Variants in ASPG observed in about 807,000 individuals in gnomAD.
ASPG encodes the protein asparaginase.
In ASPG, 53 loss-of-function variants were observed where a neutral mutation model predicts 63.2. That is an observed-to-expected ratio of 0.84 (90% CI 0.67 to 1.05). ASPG has a LOEUF of 1.05. Among genes scored for constraint, ASPG ranks in the 50% least tolerant of loss-of-function variants. The pLI is 0.00. For missense variants in ASPG, 741 were observed against 794.4 expected, an observed-to-expected ratio of 0.93 and a Z score of 0.81; for synonymous variants, 370 against 355.0, an observed-to-expected ratio of 1.04 and a Z score of -0.48.
chr14:104,086,661 T>C (rs1183089468), intron 1 of ASPG, among the ~76,000 whole-genome samples: 2 of 152,042 alleles, frequency 1.3e-5, no homozygotes, highest in Non-Finnish European at 2.9e-5. Flanking sequence ...GGCCCCCAGA[T>C]GGGCTCTGCT....
In ASPG at chr14:104,105,221, G is replaced by C. The variant is rs561354941; in HGVS notation, c.1051-107G>C. The C allele has an allele frequency of 1.5e-4, 238 of 1,570,750 alleles. No homozygotes were observed. In the African/African-American group the frequency reaches 3.0e-3, roughly 20 times the overall value. On this transcript the variant is annotated intron_variant, in intron 9 of 15. Transcript: ENST00000551177. ...ATGAAGCACACACGGCCGAGGCTCAGGCCAAGGGCAACCCCTGACTGTGCC... is the reference window on the plus strand; with the variant it reads ...ATGAAGCACACACGGCCGAGGCTCACGCCAAGGGCAACCCCTGACTGTGCC...
intron 6 of ASPG, among the ~76,000 whole-genome samples, chr14:104,099,876 G>A (rs1403650593): frequency 1.3e-5 from 2 of 152,336 alleles, no homozygotes; most frequent in African/African-American, 4.8e-5. Context: ...TCCTTTGGGG[G>A]CATTTGACAC....
chr14:104,098,021 C>CTGCGTTAGAGATGCGTATGGAGGTTT (rs1566830316), intron 5 of ASPG, among the ~76,000 whole-genome samples: 49 of 78,222 alleles, frequency 6.3e-4, no homozygotes, highest in Non-Finnish European at 1.0e-3. Context: ...TATGGAGGTT[C>CTGCGTTAGAGATGCGTATGGAGGTTT]TGCGTTAGAG....
At chr14:104,104,259 G>A (rs2037014441) in intron 7 of ASPG, 45 bp from the exon 8 acceptor site, 2 of 1,576,920 alleles carry the variant, frequency 1.3e-6, no homozygotes, top group African/African-American at 1.3e-5. Context: ...GTGGTGCTGA[G>A]GGCAGAGACC....
At chr14:104,096,595 C>T (rs2036605689) in intron 4 of ASPG, among the ~76,000 whole-genome samples, 1 of 152,220 alleles carries the variant, frequency 6.6e-6, no homozygotes, top group Non-Finnish European at 1.5e-5. Flanking sequence ...TTCCCGAGCC[C>T]TGGGGGAGCA....
rs1192098465 is a variant in ASPG at position 104,095,516 on chromosome 14, G to A, written c.304-15G>A. The A allele has an allele frequency of 6.2e-7, 1 of 1,612,388 alleles. No individual in the cohort carries two copies. The highest frequency in any genetic ancestry group is 8.5e-7 in the Non-Finnish European group (1 of 1,179,738). ...GCGAGGGGCTGGCCTGCCTGAGCAT[G>A]CGCCCCTCCTGCAGAGGCACTACGA... On this transcript the variant is annotated splice_polypyrimidine_tract_variant and intron_variant, in intron 3 of 15. Transcript: ENST00000551177.
At chr14:104,086,020 T>C (rs2036213060) in intron 1 of ASPG, among the ~76,000 whole-genome samples, 168 bp downstream of exon 1, 2 of 152,104 alleles carry the variant, frequency 1.3e-5, no homozygotes, top group Admixed American at 1.3e-4. Flanking sequence ...TCCCCACGCA[T>C]GGAGCCCCGA....
intron 12 of ASPG, among the ~76,000 whole-genome samples, chr14:104,107,579 G>A (rs999852093): frequency 1.3e-5 from 2 of 152,194 alleles, no homozygotes; most frequent in African/African-American, 4.8e-5. Context: ...TGCACCTGTG[G>A]GTATGGGGGG....
At chr14:104,097,712 G>GT in intron 5 of ASPG, 75 bp downstream of exon 5, 1 of 1,416,776 alleles carries the variant, frequency 7.1e-7, no homozygotes, top group South Asian at 1.2e-5. Context: ...AGGAAACAAA[G>GT]TCCCCCCAGC....
At chr14:104,111,715 T>C in intron 14 of ASPG, 114 bp downstream of exon 14, 4 of 917,676 alleles carry the variant, frequency 4.4e-6, no homozygotes, top group Non-Finnish European at 6.6e-6. Context: ...CTCCCCCAAA[T>C]GCCTGGCCCT....
rs770797619 is a variant in ASPG, at chr14:104,109,531, C to T, written c.1520+216C>T. 7.0e-4 allele frequency among the ~76,000 whole-genome samples: 106 copies of T among 151,918 alleles called. No homozygotes were observed. The highest frequency in any genetic ancestry group is 2.1e-4 in the Non-Finnish European group (14 of 67,992). On this transcript the variant is annotated intron_variant, in intron 13 of 15. Transcript: ENST00000551177. This position sits in a 1 kb window ranked among gnomAD's most constrained non-coding sequence, Gnocchi z 4.8. Reference sequence around the variant, plus strand: ...GGGGAAGGAGTTGTTCTCAGCTGAGCGAACAGTCCAGCAAGGGTGTCTCTG... The same window carrying T: ...GGGGAAGGAGTTGTTCTCAGCTGAGTGAACAGTCCAGCAAGGGTGTCTCTG...
intron 14 of ASPG, 126 bp from the exon 15 acceptor site, chr14:104,111,794 G>A: frequency 9.6e-7 from 1 of 1,046,750 alleles, no homozygotes; most frequent in Non-Finnish European, 1.4e-6. Flanking sequence ...GACGAGAGTG[G>A]AGGAGCTGCT....
chr14:104,107,406 C>T lies in ASPG; in HGVS notation c.1433+61C>T, dbSNP rs1036327614. Reference sequence around the variant, plus strand: ...CAGGTGGGCGCAGAGAGGCTGTGGGCTCCTGCACTCAAACAGCCTCCCGGG... The same window carrying T: ...CAGGTGGGCGCAGAGAGGCTGTGGGTTCCTGCACTCAAACAGCCTCCCGGG... On this transcript the variant is annotated intron_variant, in intron 12 of 15. Transcript: ENST00000551177. The T allele has an allele frequency of 5.3e-6, 7 of 1,309,528 alleles. No individual in the cohort carries two copies. In the African/African-American group the frequency reaches 9.1e-5, roughly 17 times the overall value. The allele number at this position is 1,309,528 out of a possible 1,614,324, so 81.1% of individuals were successfully genotyped here.
At chr14:104,093,252 G>A in intron 2 of ASPG, 1 of 588,280 alleles carries the variant, frequency 1.7e-6, no homozygotes, top group Non-Finnish European at 3.1e-6. Context: ...AGCTGGTGTG[G>A]GAAGAAGACT....
Position 104,113,790 on chromosome 14 carries a change from A to G in ASPG, c.*1246A>G, listed in dbSNP as rs2037431149. 1 of 152,252 alleles carries G rather than the reference A, an allele frequency of 6.6e-6. No individual in the cohort carries two copies. Among genetic ancestry groups the G allele is most frequent in the African/African-American group, 2.4e-5 (1 of 41,458 alleles). 9.4% of individuals were successfully genotyped at this position (152,252 alleles called of 1,614,324 possible). ...AGGTGTGCCTGGGCCTTGCACAACAAGGTGACGCCATGCGAGCGTGGCAGG... is the reference window on the plus strand; with the variant it reads ...AGGTGTGCCTGGGCCTTGCACAACAGGGTGACGCCATGCGAGCGTGGCAGG... On this transcript the variant is annotated 3_prime_UTR_variant, in exon 16 of 16. Coordinates refer to ENST00000551177, the MANE Select transcript of ASPG (RefSeq NM_001080464.3).
At chr14:104,092,076 G>A (rs556873469) in intron 1 of ASPG, among the ~76,000 whole-genome samples, 1 of 152,240 alleles carries the variant, frequency 6.6e-6, no homozygotes, top group African/African-American at 2.4e-5. Flanking sequence ...TGGACCCTGA[G>A]GGAGTCACAC....
chr14:104,085,936 G>A (rs1450123295), intron 1 of ASPG, 84 bp downstream of exon 1: 7 of 1,314,344 alleles, frequency 5.3e-6, no homozygotes, highest in Non-Finnish European at 6.1e-6. Flanking sequence ...CACGGGGGTC[G>A]TTGGGGAGTC....
intron 3 of ASPG, among the ~76,000 whole-genome samples, chr14:104,094,594 C>T (rs747133176): frequency 6.6e-6 from 1 of 152,168 alleles, no homozygotes; most frequent in Non-Finnish European, 1.5e-5. Context: ...CCCCTGCTCC[C>T]CTGAGTGGGA....
intron 1 of ASPG, among the ~76,000 whole-genome samples, chr14:104,086,957 G>A (rs1415438886): frequency 9.5e-6 from 1 of 105,820 alleles, no homozygotes; most frequent in Non-Finnish European, 2.0e-5. Context: ...CCACTTCCCC[G>A]CCCCTCCTAT....
Sources: gnomAD v4.1 joint callset for allele counts (sites outside exome capture counted in the v4.1 genomes callset) on GRCh38, gnomAD v4.1.1 for gene constraint, Gnocchi (gnomAD v3.1) non-coding constraint, MANE v1.5 for transcripts, NCBI Gene and HGNC (gene_info 2026-07-23, HGNC 2026-07-21) for gene names.